MMP24: variants seen among roughly 807,000 people sequenced by gnomAD.
The protein encoded by MMP24 is matrix metallopeptidase 24.
Under a neutral mutation model 62.8 loss-of-function variants are expected in MMP24, and 25 were observed. The observed-to-expected ratio is 0.40, with a 90% CI of 0.29 to 0.56. The LOEUF is 0.56. MMP24 is among the 20% of genes least tolerant of loss of function. The pLI is 0.50. For synonymous variants in MMP24, 319 were observed against 350.5 expected, an observed-to-expected ratio of 0.91 and a Z score of 1.00; for missense variants, 634 against 853.6, an observed-to-expected ratio of 0.74 and a Z score of 3.21.
In MMP24 at chr20:35,275,684, G is replaced by A. The variant is rs561026318; in HGVS notation, c.*1075G>A. The A allele has an allele frequency of 7.8e-5, 17 of 217,768 alleles. No individual in the cohort carries two copies. The highest frequency in any genetic ancestry group is 2.0e-4 in the African/African-American group (9 of 44,158). 13.5% of individuals were successfully genotyped at this position (217,768 alleles called of 1,614,324 possible). On this transcript the variant is annotated 3_prime_UTR_variant, in exon 9 of 9. Coordinates refer to ENST00000246186, the MANE Select transcript of MMP24 (RefSeq NM_006690.4). ...GAGTCCTTCGGAAGGGGACCAGGGC[G>A]TCTGAAGTGCTCAGTGCCCCCACTA...
At chr20:35,266,374 A>G (rs1008027495) in intron 5 of MMP24, among the ~76,000 whole-genome samples, 1 of 146,734 alleles carries the variant, frequency 6.8e-6, no homozygotes, top group Non-Finnish European at 1.5e-5. Context: ...AAAAAAAAAA[A>G]AGTTGGAGAG....
rs898926018 is a variant in MMP24 at position 35,275,896 on chromosome 20, G to A, written c.*1287G>A. On this transcript the variant is annotated 3_prime_UTR_variant, in exon 9 of 9. Coordinates refer to ENST00000246186, the MANE Select transcript of MMP24 (RefSeq NM_006690.4). The stretch of plus-strand genomic sequence containing the variant: ...CTCCCTTTTTGACCTTCACTGGCCC[G>A]CCCTTCACTGTCTCCAGCAGGAGTT... 9 of 397,666 alleles carry A rather than the reference G, an allele frequency of 2.3e-5. No individual in the cohort carries two copies. In the South Asian group the frequency reaches 4.2e-4, roughly 18 times the overall value. 24.6% of individuals were successfully genotyped at this position (397,666 alleles called of 1,614,324 possible). A position where few individuals can be genotyped will look rare whatever the true frequency, so the allele number is the denominator to read the frequency against.
intron 2 of MMP24, among the ~76,000 whole-genome samples, chr20:35,249,322 T>C (rs1361259114): frequency 6.6e-6 from 1 of 152,216 alleles, no homozygotes; most frequent in Non-Finnish European, 1.5e-5. Context: ...CCATTTAAAG[T>C]CCTATGTTTG....
intron 1 of MMP24, among the ~76,000 whole-genome samples, chr20:35,231,162 AG>A (rs1787153349): frequency 6.6e-6 from 1 of 152,236 alleles, no homozygotes; most frequent in Non-Finnish European, 1.5e-5. Context: ...ATTCTGAGGA[AG>A]ATCAGAACAG....
chr20:35,250,111 C>T (rs1171893738), intron 2 of MMP24, among the ~76,000 whole-genome samples: 1 of 152,072 alleles, frequency 6.6e-6, no homozygotes, highest in Non-Finnish European at 1.5e-5. Flanking sequence ...TGCCACCATG[C>T]CTGGCTAATT....
intron 2 of MMP24, among the ~76,000 whole-genome samples, chr20:35,247,790 T>C (rs1305528147): frequency 2.0e-5 from 3 of 152,160 alleles, no homozygotes; most frequent in Non-Finnish European, 4.4e-5. Flanking sequence ...CTGCTGGGTT[T>C]AGTGACAAAG....
chr20:35,259,401 A>G (rs1029897696), intron 4 of MMP24, among the ~76,000 whole-genome samples: 1 of 152,018 alleles, frequency 6.6e-6, no homozygotes, highest in Non-Finnish European at 1.5e-5. Flanking sequence ...GCTTGTCCTC[A>G]AGGAACCCAC....
rs777312144 is a variant in MMP24, at chr20:35,271,505, C to G, written c.1334-64C>G. On this transcript the variant is annotated intron_variant, in intron 7 of 8. Coordinates refer to ENST00000246186, the MANE Select transcript of MMP24 (RefSeq NM_006690.4). The surrounding 1 kb of genome is among the most constrained non-coding windows in gnomAD (Gnocchi z 4.0). ...CATCAGACTGTTTTCACCTGACACC[C>G]TGAAGATGGGCAAACGGCACTGAGT... 257 of 1,562,724 alleles carry G rather than the reference C, an allele frequency of 1.6e-4. 1 individual carries two copies. The highest frequency in any genetic ancestry group is 2.1e-4 in the Non-Finnish European group (239 of 1,152,676).
rs2060640938 is a variant in MMP24 at position 35,267,277 on chromosome 20, C to A, written c.1052C>A (p.Ser351Ter). 6.2e-7 allele frequency: 1 copy of A among 1,605,600 alleles called. No individual in the cohort carries two copies. Among genetic ancestry groups the A allele is most frequent in the Non-Finnish European group, 8.5e-7 (1 of 1,176,416 alleles). ...TLPVRRIHSP[S>*]ERKHERQPRP... ...CCCGTCCGCAGGATCCACTCACCATCGGAGAGGAAACACGAGCGCCAGCCC... is the reference window on the plus strand; with the variant it reads ...CCCGTCCGCAGGATCCACTCACCATAGGAGAGGAAACACGAGCGCCAGCCC... The change falls in exon 6 of 9, where the codon TCG becomes TAG. Residue 351 changes from serine to a stop codon, truncating the protein, a stop_gained. Coordinates refer to ENST00000246186, the MANE Select transcript of MMP24 (RefSeq NM_006690.4). LOFTEE classifies it high-confidence loss of function.
At chr20:35,248,409 G>A (rs1600784463) in intron 2 of MMP24, among the ~76,000 whole-genome samples, 1 of 150,394 alleles carries the variant, frequency 6.6e-6, no homozygotes, top group South Asian at 2.1e-4. Context: ...GGGTTCAAGC[G>A]ATTCTCCTGC....
At chr20:35,251,540 G>A (rs2060547172) in intron 2 of MMP24, among the ~76,000 whole-genome samples, 1 of 152,160 alleles carries the variant, frequency 6.6e-6, no homozygotes, top group Non-Finnish European at 1.5e-5. Context: ...CCTCCTTGAA[G>A]ACGCACCTCC....
At chr20:35,229,675 C>T (rs2060429549) in intron 1 of MMP24, among the ~76,000 whole-genome samples, 2 of 152,166 alleles carry the variant, frequency 1.3e-5, no homozygotes, top group South Asian at 2.1e-4. Flanking sequence ...CCTCTGGAGT[C>T]TGTCTCCACC....
chr20:35,251,825 C>A, intron 2 of MMP24, 80 bp from the exon 3 acceptor site: 3 of 1,147,032 alleles, frequency 2.6e-6, no homozygotes, highest in Admixed American at 1.7e-5. Flanking sequence ...CAGACTGGAG[C>A]TGGGGAATAG....
rs2060517938 is a variant in MMP24 at position 35,246,936 on chromosome 20, C to A, written c.343C>A (p.Gln115Lys). The A allele has an allele frequency of 6.2e-7, 1 of 1,613,954 alleles. No homozygotes were observed. The highest frequency in any genetic ancestry group is 8.5e-7 in the Non-Finnish European group (1 of 1,179,904). The change falls in exon 2 of 9, where the codon CAG becomes AAG. Residue 115 changes from glutamine to lysine, a missense_variant. Around this residue, in one of 3 missense-constraint regions of MMP24, gnomAD observed 212 missense variants for 259.6 expected, o/e 0.82. Transcript: ENST00000246186. Reference sequence around the variant, plus strand: ...CTTGCAGTCGGCAGTCTCCACTATGCAGCAGTTTTACGGGATCCCGGTCAC... The same window carrying A: ...CTTGCAGTCGGCAGTCTCCACTATGAAGCAGTTTTACGGGATCCCGGTCAC... ...KALQSAVSTM[Q>K]QFYGIPVTGV... is the part of the protein sequence containing the mutation.
rs138945034 is a variant in MMP24, at chr20:35,274,531, C to T, written c.1860C>T (p.Tyr620=). ...ILSLCILVLV[Y]TIFQFKNKTG... The stretch of plus-strand genomic sequence containing the variant: ...CCCTCTGCATCCTGGTGCTGGTCTA[C>T]ACCATCTTCCAGTTCAAGAACAAGA... Residue 620 remains tyrosine (Y), a synonymous_variant, in exon 9 of 9, where the codon TAC becomes TAT. Transcript: ENST00000246186. This position sits in a 1 kb window ranked among gnomAD's most constrained non-coding sequence, Gnocchi z 5.1. 78 of 1,614,062 alleles carry T rather than the reference C, an allele frequency of 4.8e-5. No individual in the cohort carries two copies. The African/African-American group carries it at 8.4e-4, about 17-fold the overall frequency.
intron 8 of MMP24, among the ~76,000 whole-genome samples, chr20:35,273,125 T>C (rs1006311354): frequency 2.0e-5 from 3 of 151,934 alleles, no homozygotes; most frequent in Admixed American, 2.0e-4. Flanking sequence ...CAACAGACGC[T>C]ATAAGGGAAA....
chr20:35,275,497 AC>A lies in MMP24; in HGVS notation c.*892del, dbSNP rs917696705. 6.6e-6 allele frequency: 1 copy of A among 151,856 alleles called. No homozygotes were observed. Among genetic ancestry groups the A allele is most frequent in the Non-Finnish European group, 1.5e-5 (1 of 68,044 alleles). 9.4% of individuals were successfully genotyped at this position (151,856 alleles called of 1,614,324 possible). A position where few individuals can be genotyped will look rare whatever the true frequency, so the allele number is the denominator to read the frequency against. On this transcript the variant is annotated 3_prime_UTR_variant, in exon 9 of 9. Coordinates refer to ENST00000246186, the MANE Select transcript of MMP24 (RefSeq NM_006690.4). ...GGCTACAGAGCTGGGGCAGAAGCTG[AC>A]CCCATTTCTGGAGGAAGATCCGAGT...
At position 35,267,163 on chromosome 20, in the gene MMP24, G is replaced by A. The variant is rs191806819; in HGVS notation, c.980-42G>A. 1.1e-3 allele frequency: 1,666 copies of A among 1,495,620 alleles called. 11 individuals are homozygous for A. Among genetic ancestry groups the A allele is most frequent in the South Asian group, 0.01 (825 of 82,118 alleles). The allele number at this position is 1,495,620 out of a possible 1,614,324, so 92.6% of individuals were successfully genotyped here. A position where few individuals can be genotyped will look rare whatever the true frequency, so the allele number is the denominator to read the frequency against. Reference sequence around the variant, plus strand: ...TGCTGAGACTGGCAATGGGAGGCGGGAAACGGCTGCCCCCTCTCTAAGATG... The same window carrying A: ...TGCTGAGACTGGCAATGGGAGGCGGAAAACGGCTGCCCCCTCTCTAAGATG... On this transcript the variant is annotated intron_variant, in intron 5 of 8. Coordinates refer to ENST00000246186, the MANE Select transcript of MMP24 (RefSeq NM_006690.4).
chr20:35,247,814 C>T (rs1175406967), intron 2 of MMP24, among the ~76,000 whole-genome samples: 1 of 152,112 alleles, frequency 6.6e-6, no homozygotes, highest in Admixed American at 6.6e-5. Context: ...TTGTTGTTAA[C>T]CTCAGCAGAA....
Sources: allele counts gnomAD v4.1 joint callset (sites outside exome capture counted in the v4.1 genomes callset), GRCh38; gene constraint gnomAD v4.1.1; regional missense constraint gnomAD v4.1.1; non-coding constraint Gnocchi (gnomAD v3.1); transcripts MANE v1.5; gene names NCBI Gene and HGNC (gene_info 2026-07-23, HGNC 2026-07-21).